Variants in GSE1 observed in about 807,000 individuals in gnomAD.
GSE1 encodes the protein genetic suppressor element 1.
Under a neutral mutation model 112.6 loss-of-function variants are expected in GSE1, and 32 were observed. That is an observed-to-expected ratio of 0.28 (90% CI 0.21 to 0.38). The LOEUF is 0.38. GSE1 is among the 10% of genes least tolerant of loss of function. The pLI is 1.00. For missense variants in GSE1, 2,348 were observed against 1,699.2 expected, an observed-to-expected ratio of 1.38 and a Z score of -6.71; for synonymous variants, 1,115 against 735.6, an observed-to-expected ratio of 1.52 and a Z score of -8.35.
chr16:85,303,431 T>G (rs2045579787), intron 1 of GSE1, among the ~76,000 whole-genome samples: 1 of 152,136 alleles, frequency 6.6e-6, no homozygotes, highest in Non-Finnish European at 1.5e-5. Context: ...GCGCATCCCC[T>G]CCTCCTGCAG....
intron 2 of GSE1, among the ~76,000 whole-genome samples, chr16:85,371,539 G>A (rs542850896): frequency 2.6e-4 from 39 of 152,304 alleles, no homozygotes; most frequent in African/African-American, 9.4e-4. Context: ...AGGCGCAGGC[G>A]TTAGGATTCT....
At chr16:85,455,229 A>C (rs975154601) in intron 2 of GSE1, among the ~76,000 whole-genome samples, 1 of 152,136 alleles carries the variant, frequency 6.6e-6, no homozygotes, top group African/African-American at 2.4e-5. Context: ...GAGACTCTGA[A>C]GCTCCACTCA....
At chr16:85,520,845 G>T (rs1023559113) in intron 2 of GSE1, among the ~76,000 whole-genome samples, 2 of 152,180 alleles carry the variant, frequency 1.3e-5, no homozygotes, top group Non-Finnish European at 2.9e-5. Context: ...GGACCAGCCT[G>T]GGGGGAAGGA....
chr16:85,350,249 C>A (rs372455183), intron 1 of GSE1, among the ~76,000 whole-genome samples: 1 of 152,180 alleles, frequency 6.6e-6, no homozygotes, highest in Non-Finnish European at 1.5e-5. Context: ...CTCCTAGTCA[C>A]GCCAGCAGGT....
rs555231825 is a variant in GSE1 at position 85,499,549 on chromosome 16, G to A, written c.2465-134365G>A. ...TCTCGATCTCCTGGCCTTGTGATCCGCCCGCCTCAGCCTCCCAAAGTACTG... is the reference window on the plus strand; with the variant it reads ...TCTCGATCTCCTGGCCTTGTGATCCACCCGCCTCAGCCTCCCAAAGTACTG... On this transcript the variant is annotated intron_variant, in intron 2 of 2. Transcript: ENST00000637419. 2.8e-4 allele frequency among the ~76,000 whole-genome samples: 42 copies of A among 151,864 alleles called. 1 individual carries two copies. The highest frequency in any genetic ancestry group is 6.0e-4 in the African/African-American group (25 of 41,430).
intron 1 of GSE1, among the ~76,000 whole-genome samples, chr16:85,346,538 A>G (rs1597451174): frequency 1.6e-5 from 2 of 124,934 alleles, no homozygotes; most frequent in African/African-American, 3.1e-5. Flanking sequence ...GGTGGATGAT[A>G]GGCGGGTGGA....
intron 2 of GSE1, among the ~76,000 whole-genome samples, chr16:85,446,063 T>C (rs1234583121): frequency 6.6e-6 from 1 of 152,194 alleles, no homozygotes; most frequent in Non-Finnish European, 1.5e-5. Context: ...TCTGTAAACA[T>C]TAGCTGCTGG....
In GSE1 at chr16:85,656,544, G is replaced by C; in HGVS notation, c.1191G>C (p.Glu397Asp). The change falls in exon 7 of 16, where the codon GAG (glutamate) becomes GAC (aspartate). Residue 397 changes from glutamate (E) to aspartate (D), a missense_variant. Glu to Asp is a conservative substitution (Grantham distance 45). Transcript: ENST00000253458. ...RQREQRAREK[E>D]LLAAKALEPS... ...GGGAGCAGCGGGCCCGGGAGAAGGAGCTGCTGGCCGCCAAGGCCCTGGAGC... is the reference window on the plus strand; with the variant it reads ...GGGAGCAGCGGGCCCGGGAGAAGGACCTGCTGGCCGCCAAGGCCCTGGAGC... 1 of 1,548,794 alleles carries C rather than the reference G, an allele frequency of 6.5e-7. No homozygotes were observed. The highest frequency in any genetic ancestry group is 8.7e-7 in the Non-Finnish European group (1 of 1,146,484).
chr16:85,196,980 A>G (rs1272768747), intron 1 of GSE1, among the ~76,000 whole-genome samples: 1 of 151,868 alleles, frequency 6.6e-6, no homozygotes, highest in Non-Finnish European at 1.5e-5. Context: ...GAGTCTGGAG[A>G]CCCCGGTATG....
chr16:85,242,544 C>G (rs561772950), intron 1 of GSE1, among the ~76,000 whole-genome samples: 2 of 152,364 alleles, frequency 1.3e-5, no homozygotes, highest in South Asian at 4.1e-4. Context: ...AGCGTTGTCA[C>G]CAGCGCTTTA....
chr16:85,667,966 A>ACGCTGG (rs11268657), intron 13 of GSE1, among the ~76,000 whole-genome samples, 174 bp from the exon 14 acceptor site: 4 of 151,570 alleles, frequency 2.6e-5, no homozygotes, highest in Non-Finnish European at 5.9e-5. Context: ...GGACTTTCTC[A>ACGCTGG]AGTGGCCCAG....
At chr16:85,426,708 GGA>G (rs1426880794) in intron 2 of GSE1, among the ~76,000 whole-genome samples, 5 of 151,280 alleles carry the variant, frequency 3.3e-5, no homozygotes, top group Admixed American at 6.6e-5. Flanking sequence ...GTGGGTGGAT[GGA>G]TGGATGGATG....
At chr16:85,409,182 C>CCT (rs1473043526) in intron 2 of GSE1, among the ~76,000 whole-genome samples, 1 of 29,650 alleles carries the variant, frequency 3.4e-5, no homozygotes, top group Non-Finnish European at 6.0e-5. Context: ...TCAGGCGCCC[C>CCT]GGATAATCCT....
At chr16:85,547,487 C>A (rs2044741567) in intron 2 of GSE1, among the ~76,000 whole-genome samples, 1 of 152,006 alleles carries the variant, frequency 6.6e-6, no homozygotes, top group Non-Finnish European at 1.5e-5. Context: ...TTTGTCTGTT[C>A]CTCTTTTAAA....
intron 1 of GSE1, among the ~76,000 whole-genome samples, chr16:85,192,591 C>G (rs1020180527): frequency 6.6e-6 from 1 of 152,214 alleles, no homozygotes; most frequent in Non-Finnish European, 1.5e-5. Context: ...CTGCCTCCAT[C>G]CTGGGCCTGT....
chr16:85,436,749 G>C (rs987324963), intron 2 of GSE1, among the ~76,000 whole-genome samples: 2 of 152,238 alleles, frequency 1.3e-5, no homozygotes, highest in African/African-American at 4.8e-5. Context: ...CTGCCTGGCA[G>C]AGTCCCCGCT....
intron 1 of GSE1, among the ~76,000 whole-genome samples, chr16:85,557,791 A>G (rs952449700): frequency 2.7e-5 from 4 of 150,326 alleles, no homozygotes; most frequent in African/African-American, 7.3e-5. Context: ...AAAAAAAAAA[A>G]GGCAGGAGAG....
At chr16:85,377,339 C>A (rs973461292) in intron 2 of GSE1, among the ~76,000 whole-genome samples, 2 of 152,174 alleles carry the variant, frequency 1.3e-5, no homozygotes, top group Non-Finnish European at 2.9e-5. Flanking sequence ...CTGTTCTCCC[C>A]CTTGGCTCCT....
chr16:85,497,540 C>T (rs1002480077), intron 2 of GSE1, among the ~76,000 whole-genome samples: 2 of 152,210 alleles, frequency 1.3e-5, no homozygotes, highest in African/African-American at 4.8e-5. Flanking sequence ...TTTAGTTATT[C>T]TTTCTAATGG....
Sources: allele counts gnomAD v4.1 joint callset (sites outside exome capture counted in the v4.1 genomes callset), GRCh38; gene constraint gnomAD v4.1.1; transcripts MANE v1.5; gene names NCBI Gene and HGNC (gene_info 2026-07-23, HGNC 2026-07-21).